TTPA: variants seen among roughly 807,000 people sequenced by gnomAD.
The protein encoded by TTPA is alpha tocopherol transfer protein, also known as alpha-tocopherol transfer protein.
Under a neutral mutation model 25.9 loss-of-function variants are expected in TTPA, and 23 were observed. The observed-to-expected ratio is 0.89, with a 90% CI of 0.64 to 1.26. TTPA has a LOEUF of 1.26. TTPA is among the 50% of genes most tolerant of loss of function. TTPA has a pLI of 0.00. For synonymous variants in TTPA, 148 were observed against 137.3 expected (o/e 1.08, Z -0.54); for missense variants, 337 against 353.1 (o/e 0.95, Z 0.37).
chr8:63,082,806 C>T (rs1309412301), intron 1 of TTPA, among the ~76,000 whole-genome samples: 1 of 151,920 alleles, frequency 6.6e-6, no homozygotes, highest in Non-Finnish European at 1.5e-5. Flanking sequence ...GAAAAACAAC[C>T]CCATCAAAAA....
downstream of TTPA, among the ~76,000 whole-genome samples, chr8:63,059,325 C>A (rs916948527): frequency 7.2e-5 from 11 of 151,942 alleles, no homozygotes; most frequent in African/African-American, 2.4e-4. Flanking sequence ...AGCCACCGCG[C>A]CCGGCCCAGG....
At chr8:63,078,679 G>A (rs1423284742) in intron 1 of TTPA, among the ~76,000 whole-genome samples, 3 of 152,142 alleles carry the variant, frequency 2.0e-5, no homozygotes, top group African/African-American at 4.8e-5. Context: ...CAAGAAATAT[G>A]GGCCTATGTG....
At chr8:63,071,653 G>A (rs151330728) in intron 2 of TTPA, among the ~76,000 whole-genome samples, 3 of 152,272 alleles carry the variant, frequency 2.0e-5, no homozygotes, top group Admixed American at 1.3e-4. Context: ...GGTAGTAAGA[G>A]GTGGGCCCTT....
intron 2 of TTPA, among the ~76,000 whole-genome samples, chr8:63,070,547 A>G (rs775812320): frequency 5.9e-5 from 9 of 152,212 alleles, no homozygotes; most frequent in Non-Finnish European, 1.3e-4. Flanking sequence ...GGAGATTTGC[A>G]ACATACCTTC....
intron 2 of TTPA, among the ~76,000 whole-genome samples, chr8:63,070,794 A>T (rs990571044): frequency 1.3e-5 from 2 of 152,202 alleles, no homozygotes; most frequent in Non-Finnish European, 2.9e-5. Context: ...AAATCTAGCC[A>T]GACAATGCAG....
At chr8:63,073,158 G>A (rs1357399784) in intron 1 of TTPA, 70 bp from the exon 2 acceptor site, 1 of 1,281,608 alleles carries the variant, frequency 7.8e-7, no homozygotes, top group East Asian at 2.5e-5. Flanking sequence ...TGGAAGAAAA[G>A]CTTTGGCATT....
chr8:63,059,370 G>A (rs1438939064), downstream of TTPA, among the ~76,000 whole-genome samples: 6 of 152,008 alleles, frequency 3.9e-5, no homozygotes, highest in African/African-American at 1.5e-4. Context: ...AATGTTGTTA[G>A]CTTCCCAATA....
rs138069671 is a variant in TTPA, at chr8:63,074,408, C to G, written c.205-1320G>C. On this transcript the variant is annotated intron_variant, in intron 1 of 4. Coordinates refer to ENST00000260116, the MANE Select transcript of TTPA (RefSeq NM_000370.3). Reference sequence around the variant, plus strand: ...CTCTCTTTCTCTCTCTGTCTGTCTCCCTCTATTTCATTTCTGTATTTAATA... The same window carrying G: ...CTCTCTTTCTCTCTCTGTCTGTCTCGCTCTATTTCATTTCTGTATTTAATA... 1.5e-3 allele frequency among the ~76,000 whole-genome samples: 232 copies of G among 152,214 alleles called. 1 individual carries two copies. Among genetic ancestry groups the G allele is most frequent in the African/African-American group, 5.3e-3 (219 of 41,524 alleles).
At chr8:63,073,686 G>A (rs1805516991) in intron 1 of TTPA, among the ~76,000 whole-genome samples, 1 of 152,182 alleles carries the variant, frequency 6.6e-6, no homozygotes, top group Non-Finnish European at 1.5e-5. Context: ...CCAAACTGGT[G>A]ATATCAAAAA....
At position 63,078,341 on chromosome 8, in the gene TTPA, T is replaced by A. The variant is rs187476170; in HGVS notation, c.205-5253A>T. ...AAAGCTGGATGGAGAATGACTTTGA[T>A]GAGTTGACAGAAGTAGGCTTCACAA... On this transcript the variant is annotated intron_variant, in intron 1 of 4. Coordinates refer to ENST00000260116, the MANE Select transcript of TTPA (RefSeq NM_000370.3). Among the ~76,000 whole-genome samples the A allele has an allele frequency of 1.3e-3, 201 of 152,308 alleles. 1 individual carries two copies. Among genetic ancestry groups the A allele is most frequent in the African/African-American group, 4.5e-3 (185 of 41,566 alleles).
chr8:63,066,195 GA>G (rs1805387661), intron 2 of TTPA, 98 bp from the exon 3 acceptor site: 2 of 1,238,104 alleles, frequency 1.6e-6, no homozygotes, highest in Admixed American at 4.1e-5. Flanking sequence ...AAGATCAGTT[GA>G]AATAAAAACA....
In TTPA at chr8:63,072,962, C is replaced by T; in HGVS notation, c.331G>A (p.Gly111Ser). 3 of 1,614,068 alleles carry T rather than the reference C, an allele frequency of 1.9e-6. No individual in the cohort carries two copies. The highest frequency in any genetic ancestry group is 2.5e-6 in the Non-Finnish European group (3 of 1,180,014). The change falls in exon 2 of 5, where the codon GGC becomes AGC. Residue 111 changes from glycine (G) to serine (S), a missense_variant. By Grantham distance (56) the Gly-to-Ser change is moderately conservative (BLOSUM62 0). Transcript: ENST00000260116. ...HGVLRSRDPT[G>S]SKVLIYRIAH... ...ATTCTGTAAATAAGAACTTTGCTGC[C>T]AGTGGGATCCCTGGATCTCAGGACT...
At chr8:63,069,147 CTG>C (rs1805442983) in intron 2 of TTPA, among the ~76,000 whole-genome samples, 1 of 151,914 alleles carries the variant, frequency 6.6e-6, no homozygotes, top group Non-Finnish European at 1.5e-5. Context: ...GAACAAGACT[CTG>C]TCTCAAAAAA....
intron 2 of TTPA, among the ~76,000 whole-genome samples, chr8:63,069,645 G>T (rs975064038): frequency 1.3e-5 from 2 of 151,916 alleles, no homozygotes; most frequent in East Asian, 3.9e-4. Context: ...CGAAGTGGGA[G>T]GATCACTTGA....
At chr8:63,078,272 C>G (rs748077116) in intron 1 of TTPA, among the ~76,000 whole-genome samples, 1 of 152,162 alleles carries the variant, frequency 6.6e-6, no homozygotes, top group Non-Finnish European at 1.5e-5. Flanking sequence ...ACCAGAGCGC[C>G]TCTTCTCCTC....
chr8:63,072,626 C>T (rs959276739), intron 2 of TTPA, among the ~76,000 whole-genome samples: 1 of 152,218 alleles, frequency 6.6e-6, no homozygotes, highest in South Asian at 2.1e-4. Flanking sequence ...TTCATCTTCA[C>T]TATTTTCCTT....
chr8:63,063,092 G>A (rs1042656007), intron 4 of TTPA, among the ~76,000 whole-genome samples: 3 of 152,210 alleles, frequency 2.0e-5, no homozygotes, highest in Admixed American at 1.3e-4. Context: ...AAAGAACATC[G>A]TTTCTAAAAT....
chr8:63,067,024 G>C (rs150747431), intron 2 of TTPA, among the ~76,000 whole-genome samples: 1 of 151,818 alleles, frequency 6.6e-6, no homozygotes, highest in Non-Finnish European at 1.5e-5. Flanking sequence ...AAGTCTAATC[G>C]GGGCAACATA....
intron 1 of TTPA, among the ~76,000 whole-genome samples, chr8:63,083,890 C>CTTTTTTTTT (rs575543398): frequency 1.4e-5 from 2 of 140,782 alleles, no homozygotes; most frequent in African/African-American, 2.6e-5. Context: ...TCTTTTTTTT[C>CTTTTTTTTT]TTTTTTTTTT....
Sources: allele counts gnomAD v4.1 joint callset (sites outside exome capture counted in the v4.1 genomes callset), GRCh38; gene constraint gnomAD v4.1.1; transcripts MANE v1.5; gene names NCBI Gene and HGNC (gene_info 2026-07-23, HGNC 2026-07-21).